The following RSRC1 variants were observed in gnomAD, a reference collection of about 807,000 sequenced individuals.
The protein encoded by RSRC1 is arginine and serine rich coiled-coil 1.
A neutral mutation model predicts 49.1 loss-of-function variants in RSRC1; 39 were observed. The observed-to-expected ratio is 0.79, with a 90% CI of 0.61 to 1.04. The LOEUF is 1.04. Among genes scored for constraint, RSRC1 ranks in the 50% least tolerant of loss-of-function variants. The probability of loss-of-function intolerance (pLI) is 0.00; values close to 1 mark genes in which losing one functional copy is unlikely to be tolerated. For missense variants in RSRC1, 388 were observed against 402.4 expected (o/e 0.96, Z 0.31); for synonymous variants, 143 against 130.8 (o/e 1.09, Z -0.63).
intron 7 of RSRC1, among the ~76,000 whole-genome samples, chr3:158,505,466 T>TAAG (rs1739809571): frequency 6.6e-6 from 1 of 152,190 alleles, no homozygotes; most frequent in Non-Finnish European, 1.5e-5. Context: ...GGAGTACATG[T>TAAG]AAGAGCTCTT....
intron 7 of RSRC1, among the ~76,000 whole-genome samples, chr3:158,530,909 T>TA (rs1289483722): frequency 1.2e-3 from 38 of 30,882 alleles, no homozygotes; most frequent in South Asian, 2.1e-3. Flanking sequence ...AAAAAAATAA[T>TA]AAATAAAAAA....
intron 6 of RSRC1, among the ~76,000 whole-genome samples, chr3:158,364,718 G>A (rs937521435): frequency 6.6e-6 from 1 of 151,568 alleles, no homozygotes; most frequent in African/African-American, 2.4e-5. Flanking sequence ...CAAGTCAGGG[G>A]GCTTGGGTGC....
At chr3:158,527,729 G>GTTA (rs1712130871) in intron 7 of RSRC1, among the ~76,000 whole-genome samples, 1 of 151,886 alleles carries the variant, frequency 6.6e-6, no homozygotes, top group South Asian at 2.1e-4. Context: ...CCTGGGTAAA[G>GTTA]AACTAAGGGG....
chr3:158,520,943 A>G (rs995639599), intron 7 of RSRC1, among the ~76,000 whole-genome samples: 1 of 152,164 alleles, frequency 6.6e-6, no homozygotes, highest in African/African-American at 2.4e-5. Context: ...TAACATAACT[A>G]GAATTCCCTG....
chr3:158,515,359 G>A (rs1740455311), intron 7 of RSRC1, among the ~76,000 whole-genome samples: 1 of 126,098 alleles, frequency 7.9e-6, no homozygotes, highest in Non-Finnish European at 1.7e-5. Flanking sequence ...CACCTATGAA[G>A]CTTAGTTTGG....
At chr3:158,346,054 A>G (rs562163448) in intron 5 of RSRC1, among the ~76,000 whole-genome samples, 28 of 152,292 alleles carry the variant, frequency 1.8e-4, no homozygotes, top group African/African-American at 6.5e-4. Flanking sequence ...ATGTAAAACA[A>G]AACTATAAAA....
intron 1 of RSRC1, among the ~76,000 whole-genome samples, chr3:158,113,394 G>T (rs916420673): frequency 2.0e-5 from 3 of 149,922 alleles, no homozygotes; most frequent in Non-Finnish European, 3.0e-5. Context: ...TTTGAGACGG[G>T]AGTCTCACTC....
At chr3:158,110,840 G>C (rs974746173) in intron 1 of RSRC1, among the ~76,000 whole-genome samples, 8 of 152,222 alleles carry the variant, frequency 5.3e-5, no homozygotes, top group Admixed American at 5.2e-4. Context: ...ATGTGACCAA[G>C]AGCATATGGC....
At chr3:158,532,540 T>G (rs1214591050) in intron 7 of RSRC1, among the ~76,000 whole-genome samples, 1 of 151,874 alleles carries the variant, frequency 6.6e-6, no homozygotes, top group Non-Finnish European at 1.5e-5. Flanking sequence ...AGAGCCTAAT[T>G]TTTATACTAT....
chr3:158,494,192 C>T lies in RSRC1; in HGVS notation c.652+33189C>T, dbSNP rs148445675. The stretch of plus-strand genomic sequence containing the variant: ...CTAGGTGGTATAGCCTACTACACAC[C>T]TCAACTATATGGTATAGCCCGCTGC... On this transcript the variant is annotated intron_variant, in intron 7 of 9. Coordinates refer to ENST00000611884, the MANE Select transcript of RSRC1 (RefSeq NM_001271838.2). 5.3e-5 allele frequency among the ~76,000 whole-genome samples: 8 copies of T among 152,260 alleles called. No homozygotes were observed. The East Asian group carries it at 1.3e-3, about 26-fold the overall frequency.
At chr3:158,324,899 T>C (rs1304204623) in intron 5 of RSRC1, among the ~76,000 whole-genome samples, 1 of 152,188 alleles carries the variant, frequency 6.6e-6, no homozygotes, top group Non-Finnish European at 1.5e-5. Context: ...ACCTGCTGTT[T>C]CCTGACTTTT....
At chr3:158,450,720 T>C (rs1023763317) in intron 6 of RSRC1, among the ~76,000 whole-genome samples, 7 of 151,998 alleles carry the variant, frequency 4.6e-5, no homozygotes, top group Non-Finnish European at 7.4e-5. Flanking sequence ...CTAATGAGTT[T>C]TTAGGTTATC....
intron 4 of RSRC1, among the ~76,000 whole-genome samples, chr3:158,244,630 T>C (rs1723784035): frequency 6.6e-6 from 1 of 152,236 alleles, no homozygotes; most frequent in Admixed American, 6.5e-5. Flanking sequence ...AGGATGATGC[T>C]GGCCTCATAG....
intron 5 of RSRC1, among the ~76,000 whole-genome samples, chr3:158,342,774 A>G (rs1382152208): frequency 6.6e-6 from 1 of 152,240 alleles, no homozygotes; most frequent in African/African-American, 2.4e-5. Flanking sequence ...AACGCGGACA[A>G]AATATTTGAA....
intron 6 of RSRC1, among the ~76,000 whole-genome samples, chr3:158,455,347 A>C (rs1056894532): frequency 4.6e-5 from 7 of 152,070 alleles, no homozygotes; most frequent in African/African-American, 1.7e-4. Context: ...ATATTAATAC[A>C]GCCTTTTCTG....
intron 4 of RSRC1, among the ~76,000 whole-genome samples, chr3:158,277,306 A>G (rs1222897230): frequency 2.0e-5 from 3 of 152,186 alleles, no homozygotes; most frequent in Non-Finnish European, 4.4e-5. Flanking sequence ...GAGATTTTAA[A>G]CATTTCACCT....
intron 6 of RSRC1, among the ~76,000 whole-genome samples, chr3:158,415,362 T>C (rs527660238): frequency 2.0e-5 from 3 of 152,210 alleles, no homozygotes; most frequent in Non-Finnish European, 4.4e-5. Flanking sequence ...TTATAGAATG[T>C]GAAGCATACT....
At chr3:158,331,312 A>G (rs1027686607) in intron 5 of RSRC1, among the ~76,000 whole-genome samples, 3 of 152,246 alleles carry the variant, frequency 2.0e-5, no homozygotes, top group African/African-American at 7.2e-5. Flanking sequence ...GAGCTTGACT[A>G]GTAGTCTTTT....
At chr3:158,421,236 CT>C (rs1735032024) in intron 6 of RSRC1, among the ~76,000 whole-genome samples, 2 of 151,804 alleles carry the variant, frequency 1.3e-5, no homozygotes, top group African/African-American at 4.8e-5. Context: ...CTGGATGGAG[CT>C]GTTAAGAAGA....
Sources: allele counts gnomAD v4.1 joint callset (sites outside exome capture counted in the v4.1 genomes callset), GRCh38; gene constraint gnomAD v4.1.1; transcripts MANE v1.5; gene names NCBI Gene and HGNC (gene_info 2026-07-23, HGNC 2026-07-21).